Variants in ADAMTS19 observed in about 807,000 individuals in gnomAD.
ADAMTS19 encodes the protein A disintegrin and metalloproteinase with thrombospondin motifs 19.
A neutral mutation model predicts 153.3 loss-of-function variants in ADAMTS19; 93 were observed. The observed-to-expected ratio is 0.61, with a 90% CI of 0.51 to 0.72. The LOEUF (loss-of-function observed/expected upper bound fraction) is 0.72. Among genes scored for constraint, ADAMTS19 ranks in the 30% least tolerant of loss-of-function variants. The pLI, the probability that ADAMTS19 is intolerant of heterozygous loss-of-function variation, is 0.00. For missense variants in ADAMTS19, 1,482 were observed against 1,552.1 expected (o/e 0.95, Z 0.76); for synonymous variants, 600 against 556.6 (o/e 1.08, Z -1.10).
At chr5:129,661,600 A>G (rs1753815551) in intron 15 of ADAMTS19, among the ~76,000 whole-genome samples, 1 of 152,178 alleles carries the variant, frequency 6.6e-6, no homozygotes, top group Admixed American at 6.6e-5. Context: ...AGTTTACTAA[A>G]TCATTCTTGT....
intron 21 of ADAMTS19, among the ~76,000 whole-genome samples, chr5:129,717,949 T>G (rs930856674): frequency 6.6e-6 from 1 of 152,188 alleles, no homozygotes; most frequent in South Asian, 2.1e-4. Flanking sequence ...AAAAGGAAAT[T>G]TAATGATTGT....
intron 21 of ADAMTS19, among the ~76,000 whole-genome samples, chr5:129,710,025 C>A (rs1756366615): frequency 1.3e-5 from 2 of 151,526 alleles, no homozygotes; most frequent in Admixed American, 1.3e-4. Context: ...AGGTTTGTTA[C>A]ATAGATAAAT....
intron 21 of ADAMTS19, among the ~76,000 whole-genome samples, chr5:129,708,280 G>A (rs751262426): frequency 9.9e-5 from 15 of 152,112 alleles, no homozygotes; most frequent in Non-Finnish European, 2.2e-4. Flanking sequence ...CACATACAAT[G>A]TGGCTGCTTT....
chr5:129,537,211 CA>C (rs1752470638), intron 6 of ADAMTS19, among the ~76,000 whole-genome samples: 1 of 152,068 alleles, frequency 6.6e-6, no homozygotes, highest in African/African-American at 2.4e-5. Flanking sequence ...AAATGCAAAT[CA>C]AAACCACAAT....
intron 13 of ADAMTS19, among the ~76,000 whole-genome samples, chr5:129,653,302 A>C: frequency 6.6e-6 from 1 of 152,222 alleles, no homozygotes; most frequent in East Asian, 1.9e-4. Context: ...TAGAGTAGTA[A>C]TGTAGCATGG....
chr5:129,577,776 A>G (rs1393779810), intron 7 of ADAMTS19, among the ~76,000 whole-genome samples: 2 of 152,048 alleles, frequency 1.3e-5, no homozygotes, highest in East Asian at 3.9e-4. Context: ...ATTTATTTAC[A>G]TATATTTGTT....
intron 11 of ADAMTS19, among the ~76,000 whole-genome samples, chr5:129,643,382 A>AAAAAAAAAAAAAAG (rs1554101887): frequency 1.4e-5 from 2 of 142,724 alleles, no homozygotes; most frequent in African/African-American, 5.2e-5. Flanking sequence ...AAAAAAAAAA[A>AAAAAAAAAAAAAAG]AAAAGAAAAA....
rs780970065 is a variant in ADAMTS19 at position 129,482,195 on chromosome 5, C to G, written c.747+20438C>G. Among the ~76,000 whole-genome samples the G allele has an allele frequency of 2.6e-5, 4 of 152,282 alleles. No individual in the cohort carries two copies. In the East Asian group the frequency reaches 7.7e-4, roughly 29 times the overall value. On this transcript the variant is annotated intron_variant, in intron 2 of 22. Coordinates refer to ENST00000274487, the MANE Select transcript of ADAMTS19 (RefSeq NM_133638.6). ...CTTCATTTTCTCCCATGCTTTCTCCCTGTCCATCTGTGCTCTCCCCCTTTT... is the reference window on the plus strand; with the variant it reads ...CTTCATTTTCTCCCATGCTTTCTCCGTGTCCATCTGTGCTCTCCCCCTTTT...
intron 16 of ADAMTS19, among the ~76,000 whole-genome samples, chr5:129,670,587 T>G (rs1754259016): frequency 6.6e-6 from 1 of 152,164 alleles, no homozygotes; most frequent in African/African-American, 2.4e-5. Context: ...TGAACCATGC[T>G]GCCTCCTTTT....
intron 10 of ADAMTS19, among the ~76,000 whole-genome samples, chr5:129,635,803 A>C (rs543998171): frequency 6.6e-6 from 1 of 152,160 alleles, no homozygotes; most frequent in Admixed American, 6.5e-5. Context: ...CTTACTACCT[A>C]GGTGATGAAA....
At chr5:129,647,344 G>A (rs997901592) in intron 11 of ADAMTS19, among the ~76,000 whole-genome samples, 1 of 151,684 alleles carries the variant, frequency 6.6e-6, no homozygotes, top group Non-Finnish European at 1.5e-5. Flanking sequence ...TGCTAAAAAT[G>A]TCTGCTTTGA....
intron 7 of ADAMTS19, among the ~76,000 whole-genome samples, chr5:129,587,096 A>T (rs538914582): frequency 6.6e-6 from 1 of 151,988 alleles, no homozygotes; most frequent in Non-Finnish European, 1.5e-5. Flanking sequence ...CTCTCCTCCT[A>T]TGTTTAATTT....
At chr5:129,589,199 TTATTAC>T (rs1749972182) in intron 7 of ADAMTS19, among the ~76,000 whole-genome samples, 1 of 151,412 alleles carries the variant, frequency 6.6e-6, no homozygotes. Context: ...TTAGACATTA[TTATTAC>T]TATCACTGTT....
At chr5:129,600,297 A>G (rs1195339304) in intron 8 of ADAMTS19, among the ~76,000 whole-genome samples, 1 of 152,052 alleles carries the variant, frequency 6.6e-6, no homozygotes, top group Non-Finnish European at 1.5e-5. Flanking sequence ...CTTTAATCCT[A>G]TATTTTTCTT....
intron 7 of ADAMTS19, among the ~76,000 whole-genome samples, chr5:129,579,747 G>C: frequency 6.6e-6 from 1 of 152,152 alleles, no homozygotes; most frequent in Non-Finnish European, 1.5e-5. Flanking sequence ...AATGGCTGTA[G>C]ATGAGTGGCC....
At chr5:129,708,998 G>GATT (rs1372129838) in intron 21 of ADAMTS19, among the ~76,000 whole-genome samples, 2 of 152,058 alleles carry the variant, frequency 1.3e-5, no homozygotes, top group Non-Finnish European at 2.9e-5. Flanking sequence ...TTGTTTAGAA[G>GATT]TGATAGATAC....
rs114469874 is a variant in ADAMTS19, at chr5:129,483,442, G to C, written c.747+21685G>C. Reference sequence around the variant, plus strand: ...TGGGGCAGGATAATTGTTGTAGGGGGCTGTCCCATGCATTGTAGGCTATTT... The same window carrying C: ...TGGGGCAGGATAATTGTTGTAGGGGCCTGTCCCATGCATTGTAGGCTATTT... On this transcript the variant is annotated intron_variant, in intron 2 of 22. Transcript: ENST00000274487. 1.7e-3 allele frequency among the ~76,000 whole-genome samples: 260 copies of C among 152,184 alleles called. 2 individuals are homozygous for C. The highest frequency in any genetic ancestry group is 6.1e-3 in the African/African-American group (254 of 41,512).
intron 6 of ADAMTS19, among the ~76,000 whole-genome samples, chr5:129,528,970 T>A (rs1400127051): frequency 1.3e-5 from 2 of 152,118 alleles, no homozygotes; most frequent in Non-Finnish European, 2.9e-5. Flanking sequence ...TGGTGAATTT[T>A]GTTGTAAGTT....
rs188910013 is a variant in ADAMTS19 at position 129,620,725 on chromosome 5, G to T, written c.1586G>T (p.Arg529Leu). 75 of 1,612,786 alleles carry T rather than the reference G, an allele frequency of 4.7e-5. No homozygotes were observed. The highest frequency in any genetic ancestry group is 3.8e-4 in the Admixed American group (23 of 59,894). Residue 529 changes from arginine (R) to leucine (L), a missense_variant, in exon 9 of 23, where the codon CGA becomes CTA. This residue lies in a region of ADAMTS19 where 866 missense variants were observed against 827.7 expected (regional missense o/e 1.05). Coordinates refer to ENST00000274487, the MANE Select transcript of ADAMTS19 (RefSeq NM_133638.6). Reference protein sequence around the residue: ...GQNLGDVSWSRCSKEDLERFL... With the variant: ...GQNLGDVSWSLCSKEDLERFL... Reference sequence around the variant, plus strand: ...AATCTTGGTGACGTTTCATGGTCTCGATGTAGCAAGGAAGATTTGGAAAGA... The same window carrying T: ...AATCTTGGTGACGTTTCATGGTCTCTATGTAGCAAGGAAGATTTGGAAAGA...
Sources: allele counts gnomAD v4.1 joint callset (sites outside exome capture counted in the v4.1 genomes callset), GRCh38; gene constraint gnomAD v4.1.1; regional missense constraint gnomAD v4.1.1; transcripts MANE v1.5; gene names NCBI Gene and HGNC (gene_info 2026-07-23, HGNC 2026-07-21).